Variants in CTNNA2 observed in about 807,000 individuals in gnomAD.
The protein encoded by CTNNA2 is catenin alpha 2.
CTNNA2 carries 42 observed loss-of-function variants against 101.0 expected under a neutral mutation model. That is an observed-to-expected ratio of 0.42 (90% CI 0.32 to 0.54). The LOEUF (loss-of-function observed/expected upper bound fraction) is 0.54, where lower values mean the gene tolerates loss of function less well. CTNNA2 is among the 20% of genes least tolerant of loss of function. The probability of loss-of-function intolerance (pLI) is 0.14; values close to 1 mark genes in which losing one functional copy is unlikely to be tolerated. For synonymous variants in CTNNA2, 450 were observed against 456.4 expected (o/e 0.99, Z 0.18); for missense variants, 871 against 1,223.1 (o/e 0.71, Z 4.29).
intron 9 of CTNNA2, among the ~76,000 whole-genome samples, chr2:80,515,720 G>A (rs1485165861): frequency 6.6e-6 from 1 of 152,146 alleles, no homozygotes. Context: ...AAGAAACATA[G>A]AAACTGAAGA....
Position 79,951,358 on chromosome 2 carries a change from A to G in CTNNA2, c.1056+41561A>G, listed in dbSNP as rs115333686. Among the ~76,000 whole-genome samples the G allele has an allele frequency of 1.9e-3, 295 of 152,276 alleles. 2 individuals are homozygous for G. The highest frequency in any genetic ancestry group is 6.4e-3 in the African/African-American group (267 of 41,566). On this transcript the variant is annotated intron_variant, in intron 7 of 18. Transcript: ENST00000402739. ...TAATCTTTTCCCAATAATTAAATTT[A>G]CCCCTGCATTTAAAATATGTACACA...
At chr2:79,801,701 G>T (rs1443932541) in intron 3 of CTNNA2, among the ~76,000 whole-genome samples, 1 of 152,102 alleles carries the variant, frequency 6.6e-6, no homozygotes, top group Non-Finnish European at 1.5e-5. Context: ...TAGAGTAAAA[G>T]CTATTCTGGG....
intron 2 of CTNNA2, among the ~76,000 whole-genome samples, chr2:79,715,990 AT>A (rs1374482003): frequency 6.6e-6 from 1 of 152,090 alleles, no homozygotes; most frequent in African/African-American, 2.4e-5. Flanking sequence ...TCATCATTGA[AT>A]TTTATATACA....
intron 9 of CTNNA2, among the ~76,000 whole-genome samples, chr2:80,440,022 T>C (rs1156506555): frequency 3.3e-5 from 5 of 152,158 alleles, no homozygotes; most frequent in Non-Finnish European, 5.9e-5. Context: ...ATATAACTTA[T>C]GTAATAGAAG....
At chr2:79,355,496 G>C (rs1044577064) in intron 3 of CTNNA2, among the ~76,000 whole-genome samples, 3 of 151,984 alleles carry the variant, frequency 2.0e-5, no homozygotes, top group East Asian at 1.9e-4. Flanking sequence ...CAATTTAACT[G>C]GCATTTAGGA....
At chr2:80,350,042 T>A (rs1267955177) in intron 7 of CTNNA2, among the ~76,000 whole-genome samples, 1 of 152,176 alleles carries the variant, frequency 6.6e-6, no homozygotes, top group Non-Finnish European at 1.5e-5. Flanking sequence ...TAAAATACAA[T>A]GGAGTATGAA....
intron 7 of CTNNA2, among the ~76,000 whole-genome samples, chr2:80,360,565 A>T (rs1175751912): frequency 6.6e-6 from 1 of 152,092 alleles, no homozygotes; most frequent in Non-Finnish European, 1.5e-5. Context: ...AGGTCATAAT[A>T]CTAACAGAGT....
At chr2:79,549,825 T>C (rs966765791) in intron 1 of CTNNA2, among the ~76,000 whole-genome samples, 5 of 152,196 alleles carry the variant, frequency 3.3e-5, no homozygotes, top group African/African-American at 4.8e-5. Flanking sequence ...TCCCCTGTTA[T>C]ATGATACTGT....
chr2:79,820,719 G>A (rs1677933389), intron 3 of CTNNA2, among the ~76,000 whole-genome samples: 1 of 152,084 alleles, frequency 6.6e-6, no homozygotes, highest in South Asian at 2.1e-4. Flanking sequence ...CCAGTTTACT[G>A]GTCTTTCATC....
At chr2:80,274,777 G>T (rs1673764238) in intron 7 of CTNNA2, among the ~76,000 whole-genome samples, 1 of 152,160 alleles carries the variant, frequency 6.6e-6, no homozygotes, top group Non-Finnish European at 1.5e-5. Context: ...GCCTGGAGAA[G>T]TTCTCAGCTC....
intron 9 of CTNNA2, among the ~76,000 whole-genome samples, chr2:80,487,504 A>C: frequency 6.6e-6 from 1 of 152,102 alleles, no homozygotes; most frequent in Non-Finnish European, 1.5e-5. Flanking sequence ...GGCAAGAAGA[A>C]GTGCCAAGCA....
chr2:80,049,825 A>G (rs553447382), intron 7 of CTNNA2, among the ~76,000 whole-genome samples: 8 of 151,832 alleles, frequency 5.3e-5, no homozygotes, highest in Non-Finnish European at 1.2e-4. Context: ...CTCTTTTTGA[A>G]TTTTTTTTCC....
Position 80,079,874 on chromosome 2 carries a change from AAATAAAAT to A in CTNNA2, c.1056+170088_1056+170095del, listed in dbSNP as rs1398700363. On this transcript the variant is annotated intron_variant, in intron 7 of 18. Transcript: ENST00000402739. ...AAATAAAATAAAATAAAATAAAATA[AAATAAAAT>A]AATAAAATAAAATAAATAAAATAAA... Among the ~76,000 whole-genome samples, 142 of 146,014 alleles carry A rather than the reference AAATAAAAT, an allele frequency of 9.7e-4. 2 individuals carry two copies. The highest frequency in any genetic ancestry group is 2.5e-3 in the Admixed American group (37 of 14,730).
At chr2:80,572,441 A>G (rs1230932176) in intron 12 of CTNNA2, among the ~76,000 whole-genome samples, 4 of 152,170 alleles carry the variant, frequency 2.6e-5, no homozygotes, top group African/African-American at 9.7e-5. Flanking sequence ...TGCCTCTGAA[A>G]GCTCCCTTGT....
chr2:79,320,260 ATTTTT>A lies in CTNNA2; in HGVS notation c.-318+7484_-318+7488del, dbSNP rs34694986. On this transcript the variant is annotated intron_variant, in intron 3 of 21. Transcript: ENST00000466387. ...TCATAGTACCTACCTTTACGTTTCA[ATTTTT>A]TTTTTTTTTTTTTTTTTTTACCAAG... 7.9e-4 allele frequency among the ~76,000 whole-genome samples: 95 copies of A among 119,780 alleles called. 1 individual carries two copies. Among genetic ancestry groups the A allele is most frequent in the African/African-American group, 2.8e-3 (90 of 31,588 alleles). 78.6% of individuals were successfully genotyped at this position (119,780 alleles called of 152,430 possible).
intron 2 of CTNNA2, among the ~76,000 whole-genome samples, chr2:79,213,168 G>A (rs1674198855): frequency 6.6e-6 from 1 of 152,130 alleles, no homozygotes; most frequent in South Asian, 2.1e-4. Context: ...CTGAAAGTGA[G>A]GGATATAAGT....
intron 8 of CTNNA2, among the ~76,000 whole-genome samples, chr2:80,405,102 A>C (rs1261408094): frequency 2.0e-5 from 3 of 152,180 alleles, no homozygotes; most frequent in Non-Finnish European, 2.9e-5. Flanking sequence ...CAACTGAAAT[A>C]ATCAGCCATC....
At chr2:79,898,212 C>T (rs1684845100) in intron 6 of CTNNA2, among the ~76,000 whole-genome samples, 1 of 152,064 alleles carries the variant, frequency 6.6e-6, no homozygotes, top group Non-Finnish European at 1.5e-5. Context: ...CAGCTCATTG[C>T]AACCTCTGCC....
rs567511803 is a variant in CTNNA2, at chr2:80,535,836, T to C, written c.1291-9146T>C. ...AATCAGGCTGATAAACTTATGCCAGTGTGTAGCTGCTCATTTTAAAATGAT... is the reference window on the plus strand; with the variant it reads ...AATCAGGCTGATAAACTTATGCCAGCGTGTAGCTGCTCATTTTAAAATGAT... On this transcript the variant is annotated intron_variant, in intron 9 of 18. Coordinates refer to ENST00000402739, the MANE Select transcript of CTNNA2 (RefSeq NM_001282597.3). 6.6e-4 allele frequency among the ~76,000 whole-genome samples: 101 copies of C among 152,266 alleles called. 1 individual carries two copies. Among genetic ancestry groups the C allele is most frequent in the African/African-American group, 2.0e-3 (85 of 41,558 alleles).
Sources: gnomAD v4.1 joint callset for allele counts (sites outside exome capture counted in the v4.1 genomes callset) on GRCh38, gnomAD v4.1.1 for gene constraint, MANE v1.5 for transcripts, NCBI Gene and HGNC (gene_info 2026-07-23, HGNC 2026-07-21) for gene names.